HPSE2: variants seen among roughly 807,000 people sequenced by gnomAD.
HPSE2 encodes the protein inactive heparanase-2.
A neutral mutation model predicts 60.5 loss-of-function variants in HPSE2; 38 were observed. The observed-to-expected ratio is 0.63, with a 90% confidence interval of 0.48 to 0.82. HPSE2 has a LOEUF of 0.82. Ranked by LOEUF, HPSE2 falls within the 40% of genes least tolerant of loss-of-function variation. The pLI is 0.00. For synonymous variants in HPSE2, 295 were observed against 293.2 expected (o/e 1.01, Z -0.06); for missense variants, 713 against 740.4 (o/e 0.96, Z 0.43).
At chr10:98,794,210 G>A in intron 3 of HPSE2, among the ~76,000 whole-genome samples, 1 of 151,542 alleles carries the variant, frequency 6.6e-6, no homozygotes, top group East Asian at 1.9e-4. Context: ...TTATAGAAAA[G>A]TTATTGAGAG....
At chr10:99,266,163 GAC>G in the HPSE2 span, among the ~76,000 whole-genome samples, 1 of 152,194 alleles carries the variant, frequency 6.6e-6, no homozygotes, top group Non-Finnish European at 1.5e-5. Context: ...CGCCAGCGCA[GAC>G]ACAGCACAGA....
At chr10:99,252,076 A>G in the HPSE2 span, among the ~76,000 whole-genome samples, 1 of 152,034 alleles carries the variant, frequency 6.6e-6, no homozygotes, top group African/African-American at 2.4e-5. Context: ...ACATATGATC[A>G]TCTCAATAGA....
chr10:98,778,264 C>CAGAGAGAGAGAGAGAGAGAG (rs143885408), intron 3 of HPSE2, among the ~76,000 whole-genome samples: 10,277 of 112,440 alleles, frequency 0.091, 1,501 homozygotes, highest in Non-Finnish European at 0.13. Context: ...GAGAGAGAGA[C>CAGAGAGAGAGAGAGAGAGAG]AGAGAGAGAG....
At chr10:99,163,210 C>CA (rs35632219) in intron 2 of HPSE2, among the ~76,000 whole-genome samples, 85 of 143,856 alleles carry the variant, frequency 5.9e-4, no homozygotes, top group African/African-American at 1.7e-3. Context: ...GACTCCATCT[C>CA]AAAAAAAAAA....
intron 2 of HPSE2, among the ~76,000 whole-genome samples, chr10:99,209,732 C>T (rs573348215): frequency 6.6e-6 from 1 of 152,318 alleles, no homozygotes; most frequent in South Asian, 2.1e-4. Context: ...CTCTGTCACC[C>T]AGGCTGGAGT....
intron 3 of HPSE2, among the ~76,000 whole-genome samples, chr10:98,912,839 ATAGT>A (rs1232971890): frequency 6.6e-6 from 1 of 152,166 alleles, no homozygotes; most frequent in Non-Finnish European, 1.5e-5. Context: ...CAAAAAAAAA[ATAGT>A]TAGAAAGAAT....
chr10:99,290,490 G>A, the HPSE2 span, among the ~76,000 whole-genome samples: 1 of 152,178 alleles, frequency 6.6e-6, no homozygotes, highest in Non-Finnish European at 1.5e-5. Context: ...ACTGTTAAGG[G>A]ATCCATCTCT....
intron 9 of HPSE2, among the ~76,000 whole-genome samples, chr10:98,589,925 C>T (rs144335011): frequency 1.3e-3 from 192 of 152,264 alleles, no homozygotes; most frequent in African/African-American, 4.1e-3. Flanking sequence ...AGGAGAAGGC[C>T]GCTGGCAGCT....
At chr10:98,500,299 A>G (rs761294608) in intron 9 of HPSE2, among the ~76,000 whole-genome samples, 1 of 152,200 alleles carries the variant, frequency 6.6e-6, no homozygotes, top group Non-Finnish European at 1.5e-5. Context: ...AATAAACTTA[A>G]GAAAACTGAC....
At chr10:99,302,331 A>G in the HPSE2 span, among the ~76,000 whole-genome samples, 4 of 148,212 alleles carry the variant, frequency 2.7e-5, 1 homozygote, top group South Asian at 8.4e-4. Flanking sequence ...GGGATCCCCC[A>G]TACAATATCA....
At chr10:98,978,342 G>A (rs557609624) in intron 3 of HPSE2, among the ~76,000 whole-genome samples, 1 of 152,214 alleles carries the variant, frequency 6.6e-6, no homozygotes, top group African/African-American at 2.4e-5. Context: ...TCATAGAGAA[G>A]AGACTTGCTT....
intron 2 of HPSE2, among the ~76,000 whole-genome samples, chr10:99,172,613 T>C (rs1847354844): frequency 6.6e-6 from 1 of 152,186 alleles, no homozygotes; most frequent in African/African-American, 2.4e-5. Flanking sequence ...ACTTATAATC[T>C]GTATAAATTA....
At position 99,081,571 on chromosome 10, in the gene HPSE2, C is replaced by T. The variant is rs560367381; in HGVS notation, c.610+62667G>A. On this transcript the variant is annotated intron_variant, in intron 3 of 11. Coordinates refer to ENST00000370552, the MANE Select transcript of HPSE2 (RefSeq NM_021828.5). The stretch of plus-strand genomic sequence containing the variant: ...AAGAAGCTACTAGAGTGCTATTCTA[C>T]TACTACTAAAGATGATGATGATGAT... Among the ~76,000 whole-genome samples the T allele has an allele frequency of 6.4e-4, 91 of 142,770 alleles. 1 individual carries two copies. In the South Asian group the frequency reaches 8.5e-3, roughly 13 times the overall value. 93.7% of individuals were successfully genotyped at this position (142,770 alleles called of 152,430 possible).
chr10:98,849,452 A>C (rs906160073), intron 3 of HPSE2, among the ~76,000 whole-genome samples: 3 of 152,228 alleles, frequency 2.0e-5, no homozygotes, highest in African/African-American at 7.2e-5. Flanking sequence ...TAAGATTGGA[A>C]ATATCTGACA....
At chr10:99,027,965 T>C (rs1274536196) in intron 3 of HPSE2, among the ~76,000 whole-genome samples, 2 of 152,098 alleles carry the variant, frequency 1.3e-5, no homozygotes, top group Non-Finnish European at 2.9e-5. Flanking sequence ...CCCTTCATAA[T>C]ACAAACCCTC....
At chr10:98,615,163 C>A in intron 8 of HPSE2, 145 bp from the exon 9 acceptor site, 1 of 657,688 alleles carries the variant, frequency 1.5e-6, no homozygotes, top group Non-Finnish European at 2.7e-6. Context: ...TTATTTTAAG[C>A]ATTAAGTTCA....
chr10:98,729,688 A>G (rs998425249), intron 4 of HPSE2, among the ~76,000 whole-genome samples: 5 of 152,112 alleles, frequency 3.3e-5, no homozygotes, highest in African/African-American at 1.2e-4. Context: ...AAATAACTAT[A>G]CTAATATCAG....
intron 3 of HPSE2, among the ~76,000 whole-genome samples, chr10:98,853,584 G>C (rs923997356): frequency 6.6e-6 from 1 of 151,988 alleles, no homozygotes; most frequent in Non-Finnish European, 1.5e-5. Context: ...CCATAGTGAG[G>C]TGGCATGATT....
intron 3 of HPSE2, among the ~76,000 whole-genome samples, chr10:98,963,415 T>C (rs184405643): frequency 1.4e-4 from 21 of 152,290 alleles, no homozygotes; most frequent in East Asian, 1.4e-3. Context: ...AGTGCCACAC[T>C]AGTATGTCAT....
Sources: gnomAD v4.1 joint callset for allele counts (sites outside exome capture counted in the v4.1 genomes callset) on GRCh38, gnomAD v4.1.1 for gene constraint, MANE v1.5 for transcripts, NCBI Gene and HGNC (gene_info 2026-07-23, HGNC 2026-07-21) for gene names.